Variants in MACROD2 observed in about 807,000 individuals in gnomAD.
MACROD2 encodes mono-ADP ribosylhydrolase 2.
A neutral mutation model predicts 70.4 loss-of-function variants in MACROD2; 36 were observed. The observed-to-expected ratio is 0.51, with a 90% CI of 0.39 to 0.68. MACROD2 has a LOEUF of 0.68. MACROD2 is among the 30% of genes least tolerant of loss of function. The probability of loss-of-function intolerance (pLI) is 0.00; values close to 1 mark genes in which losing one functional copy is unlikely to be tolerated. For missense variants in MACROD2, 496 were observed against 538.4 expected, an observed-to-expected ratio of 0.92 and a Z score of 0.78; for synonymous variants, 172 against 178.8, an observed-to-expected ratio of 0.96 and a Z score of 0.30.
chr20:15,724,484 G>GT (rs375137928), intron 8 of MACROD2, among the ~76,000 whole-genome samples: 70,831 of 148,690 alleles, frequency 0.48, 19,903 homozygotes, highest in Non-Finnish European at 0.64. Flanking sequence ...CATTTTTTTT[G>GT]TTTTTTTGTT....
chr20:15,891,695 C>T (rs1489285711), intron 10 of MACROD2, among the ~76,000 whole-genome samples: 1 of 152,158 alleles, frequency 6.6e-6, no homozygotes, highest in East Asian at 1.9e-4. Context: ...AGAATGACAT[C>T]TCAGTTTGGA....
chr20:14,615,527 A>G (rs1165463334), intron 4 of MACROD2, among the ~76,000 whole-genome samples: 1 of 152,120 alleles, frequency 6.6e-6, no homozygotes, highest in Non-Finnish European at 1.5e-5. Flanking sequence ...AGATTTCAAG[A>G]GGCTGAAATG....
chr20:16,050,571 G>A lies in MACROD2; in HGVS notation c.*695G>A, dbSNP rs1268120829. On this transcript the variant is annotated 3_prime_UTR_variant, in exon 18 of 18. Transcript: ENST00000684519. ...TCTTCCTTCCTAACCATGGTGGCAGGTGCATCCTTCTTTGACACTGACTTT... is the reference window on the plus strand; with the variant it reads ...TCTTCCTTCCTAACCATGGTGGCAGATGCATCCTTCTTTGACACTGACTTT... 6.6e-6 allele frequency: 1 copy of A among 152,280 alleles called. No individual in the cohort carries two copies. The highest frequency in any genetic ancestry group is 1.5e-5 in the Non-Finnish European group (1 of 68,128). The allele number at this position is 152,280 out of a possible 1,614,324, so 9.4% of individuals were successfully genotyped here.
intron 8 of MACROD2, among the ~76,000 whole-genome samples, chr20:15,858,250 C>A (rs949109314): frequency 7.9e-5 from 12 of 151,260 alleles, no homozygotes; most frequent in Middle Eastern, 3.4e-3. Flanking sequence ...TCTCAAGAAC[C>A]ACTATTTCAC....
At chr20:15,975,507 G>A (rs1377297309) in intron 13 of MACROD2, among the ~76,000 whole-genome samples, 1 of 152,114 alleles carries the variant, frequency 6.6e-6, no homozygotes, top group Non-Finnish European at 1.5e-5. Context: ...CCATAACGTG[G>A]AATATTATGT....
intron 5 of MACROD2, among the ~76,000 whole-genome samples, chr20:15,194,397 T>C (rs1054341736): frequency 1.3e-5 from 2 of 152,114 alleles, no homozygotes; most frequent in African/African-American, 4.8e-5. Flanking sequence ...CATGATTTCA[T>C]GCATGCTTTA....
At chr20:14,691,366 G>A (rs189350802) in intron 5 of MACROD2, among the ~76,000 whole-genome samples, 1 of 152,286 alleles carries the variant, frequency 6.6e-6, no homozygotes, top group African/African-American at 2.4e-5. Context: ...CCTTGCTTCT[G>A]TTGCCTCAAG....
At chr20:15,575,086 A>C (rs908016427) in intron 8 of MACROD2, among the ~76,000 whole-genome samples, 1 of 152,192 alleles carries the variant, frequency 6.6e-6, no homozygotes, top group Non-Finnish European at 1.5e-5. Context: ...AAAGGTAGCC[A>C]TTCTCTCCCA....
At chr20:15,937,597 T>G in intron 12 of MACROD2, 53 bp downstream of exon 12, 1 of 1,517,242 alleles carries the variant, frequency 6.6e-7, no homozygotes, top group Non-Finnish European at 9.1e-7. Flanking sequence ...AAGAGACTGT[T>G]TGGGCTTGTT....
chr20:14,241,302 A>C (rs2081927692), intron 3 of MACROD2, among the ~76,000 whole-genome samples: 1 of 152,224 alleles, frequency 6.6e-6, no homozygotes, highest in Middle Eastern at 3.2e-3. Context: ...AAATAAATTT[A>C]CATTTGTTAT....
chr20:14,442,537 TTC>T (rs1829773688), intron 3 of MACROD2, among the ~76,000 whole-genome samples: 1 of 152,144 alleles, frequency 6.6e-6, no homozygotes, highest in Admixed American at 6.5e-5. Context: ...ACAAACTTCT[TTC>T]TCTTTCTCTT....
intron 3 of MACROD2, among the ~76,000 whole-genome samples, chr20:14,164,581 G>T (rs1418868058): frequency 6.6e-6 from 1 of 152,266 alleles, no homozygotes; most frequent in East Asian, 1.9e-4. Context: ...TGTTGGCAGT[G>T]GCTGTGACAG....
chr20:14,986,794 C>G (rs913100685), intron 5 of MACROD2, among the ~76,000 whole-genome samples: 1 of 152,192 alleles, frequency 6.6e-6, no homozygotes, highest in Non-Finnish European at 1.5e-5. Flanking sequence ...TTCGCCTTCT[C>G]TCCCCGTCAC....
At chr20:15,092,603 C>A (rs1473013489) in intron 5 of MACROD2, among the ~76,000 whole-genome samples, 1 of 151,506 alleles carries the variant, frequency 6.6e-6, no homozygotes, top group African/African-American at 2.4e-5. Flanking sequence ...TATTGGAAAA[C>A]TTCAGTTTAA....
chr20:14,873,560 T>G (rs1235439493), intron 5 of MACROD2, among the ~76,000 whole-genome samples: 1 of 152,106 alleles, frequency 6.6e-6, no homozygotes, highest in East Asian at 1.9e-4. Flanking sequence ...ATAAATCAGT[T>G]GTTTCTAAAA....
chr20:14,686,112 C>T (rs942515086), intron 5 of MACROD2, among the ~76,000 whole-genome samples: 4 of 152,024 alleles, frequency 2.6e-5, no homozygotes, highest in East Asian at 1.9e-4. Flanking sequence ...TACTGCATAG[C>T]GATGCTTTGG....
intron 3 of MACROD2, among the ~76,000 whole-genome samples, chr20:14,193,165 ATC>A (rs1185491184): frequency 6.6e-6 from 1 of 152,184 alleles, no homozygotes; most frequent in Non-Finnish European, 1.5e-5. Context: ...TAATTGAACC[ATC>A]TTAAAGTGTG....
intron 4 of MACROD2, among the ~76,000 whole-genome samples, chr20:14,662,710 T>C (rs1378857685): frequency 2.6e-5 from 4 of 152,002 alleles, no homozygotes; most frequent in Non-Finnish European, 1.5e-5. Flanking sequence ...AAGACATACA[T>C]CTGAACAACA....
intron 5 of MACROD2, among the ~76,000 whole-genome samples, chr20:14,789,262 A>T (rs1360467721): frequency 6.6e-6 from 1 of 151,886 alleles, no homozygotes; most frequent in Non-Finnish European, 1.5e-5. Flanking sequence ...TATGTGTATG[A>T]TATGCCTAAA....
Sources: gnomAD v4.1 joint callset for allele counts (sites outside exome capture counted in the v4.1 genomes callset) on GRCh38, gnomAD v4.1.1 for gene constraint, MANE v1.5 for transcripts, NCBI Gene and HGNC (gene_info 2026-07-23, HGNC 2026-07-21) for gene names.